Variants in ME1 observed in about 807,000 individuals in gnomAD.
ME1 encodes NADP-dependent malic enzyme.
Under a neutral mutation model 66.4 loss-of-function variants are expected in ME1, and 74 were observed. The ratio of observed to expected loss-of-function variants is 1.11; its 90% confidence interval spans 0.92 to 1.35. The LOEUF (loss-of-function observed/expected upper bound fraction) is 1.35. ME1 is among the 40% of genes most tolerant of loss of function. ME1 has a pLI of 0.00. For missense variants in ME1, 750 were observed against 694.1 expected (o/e 1.08, Z -0.90); for synonymous variants, 251 against 235.6 (o/e 1.07, Z -0.60).
chr6:83,235,826 T>C (rs1347574973), intron 9 of ME1, among the ~76,000 whole-genome samples: 2 of 152,178 alleles, frequency 1.3e-5, no homozygotes, highest in African/African-American at 4.8e-5. Flanking sequence ...TGTCTTTATA[T>C]ATACTTATTT....
At chr6:83,430,831 T>G (rs766066915) in intron 1 of ME1, 46 bp downstream of exon 1, 2 of 1,504,740 alleles carry the variant, frequency 1.3e-6, no homozygotes, top group South Asian at 2.4e-5. Flanking sequence ...GCCCTGACCC[T>G]GATAGAGAGG....
At chr6:83,298,978 A>T (rs1583365493) in intron 6 of ME1, among the ~76,000 whole-genome samples, 7 of 49,900 alleles carry the variant, frequency 1.4e-4, no homozygotes, top group Admixed American at 5.6e-4. Context: ...TTTTACCAGT[A>T]CTATGCTGTT....
chr6:83,413,848 C>T (rs1406632048), intron 1 of ME1, among the ~76,000 whole-genome samples: 1 of 151,996 alleles, frequency 6.6e-6, no homozygotes, highest in Non-Finnish European at 1.5e-5. Context: ...ATGCCTCACA[C>T]CTGTAATCCC....
At chr6:83,237,899 C>T in intron 8 of ME1, 69 bp from the exon 9 acceptor site, 1 of 748,506 alleles carries the variant, frequency 1.3e-6, no homozygotes, top group South Asian at 2.3e-5. Flanking sequence ...ACATTTCACC[C>T]CATTTTGTCT....
intron 6 of ME1, among the ~76,000 whole-genome samples, chr6:83,277,482 G>C (rs568431684): frequency 5.9e-5 from 9 of 152,196 alleles, no homozygotes; most frequent in Non-Finnish European, 1.2e-4. Context: ...CAAGGAAGAC[G>C]AGACTCAGGA....
rs372680799 is a variant in ME1 at position 83,388,933 on chromosome 6, T to C, written c.362+9434A>G. 1.5e-3 allele frequency among the ~76,000 whole-genome samples: 221 copies of C among 152,158 alleles called. 1 individual carries two copies. The highest frequency in any genetic ancestry group is 5.1e-3 in the African/African-American group (210 of 41,504). ...AAGTTTGAGACCAGCCTGGGCAACA[T>C]GGTGAAACCCCAGCTCTACTAAAAA... On this transcript the variant is annotated intron_variant, in intron 3 of 13. Transcript: ENST00000369705.
chr6:83,216,399 G>T (rs1789994560), intron 13 of ME1, 99 bp downstream of exon 13: 8 of 843,448 alleles, frequency 9.5e-6, no homozygotes. Flanking sequence ...AGTTGATACA[G>T]ATATACATTT....
chr6:83,297,963 T>C (rs1477890639), intron 6 of ME1, among the ~76,000 whole-genome samples: 1 of 152,230 alleles, frequency 6.6e-6, no homozygotes, highest in Non-Finnish European at 1.5e-5. Context: ...AGTCTATCAT[T>C]GATGGACATT....
chr6:83,311,896 G>A (rs958862958), intron 6 of ME1, among the ~76,000 whole-genome samples: 5 of 151,950 alleles, frequency 3.3e-5, no homozygotes, highest in Admixed American at 1.3e-4. Context: ...GAGGCAAAAC[G>A]GAGAGCTAAC....
intron 1 of ME1, among the ~76,000 whole-genome samples, chr6:83,411,875 T>C (rs1053089460): frequency 6.6e-6 from 1 of 152,186 alleles, no homozygotes; most frequent in Non-Finnish European, 1.5e-5. Context: ...CTATTCCTTA[T>C]AAAACCTTTG....
At chr6:83,349,015 A>AAAAAAAAAAAAAAAAAAAAAAAAAAAC (rs746037012) in intron 4 of ME1, among the ~76,000 whole-genome samples, 1 of 124,024 alleles carries the variant, frequency 8.1e-6, no homozygotes, top group African/African-American at 3.1e-5. Context: ...AAAACAAAAA[A>AAAAAAAAAAAAAAAAAAAAAAAAAAAC]CAGTGCATTC....
chr6:83,314,019 T>TA (rs1438530650), intron 6 of ME1, among the ~76,000 whole-genome samples: 1 of 152,206 alleles, frequency 6.6e-6, no homozygotes, highest in East Asian at 1.9e-4. Context: ...CATCTCTAGT[T>TA]AGAGTTAATT....
chr6:83,326,652 T>C (rs1002801169), intron 5 of ME1, among the ~76,000 whole-genome samples: 3 of 152,148 alleles, frequency 2.0e-5, no homozygotes, highest in African/African-American at 7.2e-5. Flanking sequence ...TCACTGGTCA[T>C]TAGAGAAATG....
chr6:83,359,796 C>G (rs1233360161), intron 3 of ME1, among the ~76,000 whole-genome samples: 2 of 152,148 alleles, frequency 1.3e-5, no homozygotes. Flanking sequence ...CTTTGAAAAG[C>G]CTTGCACTTG....
Position 83,398,398 on chromosome 6 carries a change from G to A in ME1, c.331C>T (p.Gln111Ter). The part of the protein sequence containing the change: ...VYTPTVGLAC[Q>*]QYSLVFRKPR... ...TTCCGAAACACCAAACTATATTGTT[G>A]GCAAGCCAGACCCACAGTGGGAGTA... Residue 111 changes from glutamine to a stop codon, truncating the protein, a stop_gained, in exon 3 of 14, where the codon CAA becomes TAA. Transcript: ENST00000369705. LOFTEE classifies it high-confidence loss of function. The A allele has an allele frequency of 6.3e-7, 1 of 1,592,742 alleles. No individual in the cohort carries two copies. The highest frequency in any genetic ancestry group is 8.5e-7 in the Non-Finnish European group (1 of 1,171,770).
intron 5 of ME1, among the ~76,000 whole-genome samples, chr6:83,317,362 C>G (rs1242696791): frequency 1.3e-5 from 2 of 151,734 alleles, no homozygotes; most frequent in East Asian, 3.9e-4. Context: ...TGTAGTTCTC[C>G]TTGAAGAGGT....
intron 6 of ME1, among the ~76,000 whole-genome samples, chr6:83,285,148 C>T (rs1767373852): frequency 1.3e-5 from 2 of 152,092 alleles, no homozygotes; most frequent in Admixed American, 1.3e-4. Flanking sequence ...ATACGACAAC[C>T]TTAACCAGCA....
intron 6 of ME1, among the ~76,000 whole-genome samples, chr6:83,311,196 T>C (rs752856107): frequency 1.1e-4 from 16 of 152,108 alleles, no homozygotes; most frequent in Non-Finnish European, 7.4e-5. Flanking sequence ...ATCTGGGACA[T>C]ACTAGAGTTG....
chr6:83,429,707 AT>A (rs1184938012), intron 1 of ME1, among the ~76,000 whole-genome samples: 1 of 151,816 alleles, frequency 6.6e-6, no homozygotes, highest in African/African-American at 2.4e-5. Flanking sequence ...CACAAAAAAA[AT>A]CACTCACACT....
Sources: allele counts gnomAD v4.1 joint callset (sites outside exome capture counted in the v4.1 genomes callset), GRCh38; gene constraint gnomAD v4.1.1; transcripts MANE v1.5; gene names NCBI Gene and HGNC (gene_info 2026-07-23, HGNC 2026-07-21).